Variants in ROBO2 observed in about 807,000 individuals in gnomAD.
ROBO2 encodes roundabout guidance receptor 2.
A neutral mutation model predicts 160.8 loss-of-function variants in ROBO2; 53 were observed. That is an observed-to-expected ratio of 0.33 (90% CI 0.26 to 0.41). ROBO2 has a LOEUF of 0.41. ROBO2 is among the 10% of genes least tolerant of loss of function. ROBO2 has a pLI of 1.00. For missense variants in ROBO2, 1,577 were observed against 1,722.4 expected, an observed-to-expected ratio of 0.92 and a Z score of 1.49; for synonymous variants, 664 against 611.7, an observed-to-expected ratio of 1.09 and a Z score of -1.26.
Position 76,224,911 on chromosome 3 carries a change from T to G in ROBO2, c.109+287309T>G, listed in dbSNP as rs1704191652. Among the ~76,000 whole-genome samples the G allele has an allele frequency of 1.3e-5, 2 of 152,280 alleles. 1 individual carries two copies. Among genetic ancestry groups the G allele is most frequent in the African/African-American group, 4.8e-5 (2 of 41,574 alleles). On this transcript the variant is annotated intron_variant, in intron 2 of 26. Transcript: ENST00000487694. ...TTCCCTGACCAGGAAAGTCAAAATA[T>G]TAACTGTGAGCAATCTTTTTAGAGT...
intron 2 of ROBO2, among the ~76,000 whole-genome samples, chr3:76,049,944 G>A (rs1422172319): frequency 6.6e-6 from 1 of 152,094 alleles, no homozygotes; most frequent in Non-Finnish European, 1.5e-5. Flanking sequence ...CCCAAGCATA[G>A]CAAAGCTCTG....
intron 2 of ROBO2, among the ~76,000 whole-genome samples, chr3:76,971,313 A>G (rs1268250415): frequency 6.6e-6 from 1 of 152,210 alleles, no homozygotes; most frequent in African/African-American, 2.4e-5. Flanking sequence ...TGTAACAGGA[A>G]TACAAATTCT....
At chr3:76,295,091 CT>C (rs1709000326) in intron 2 of ROBO2, among the ~76,000 whole-genome samples, 1 of 152,026 alleles carries the variant, frequency 6.6e-6, no homozygotes, top group Admixed American at 6.6e-5. Context: ...GGTAAAGAGG[CT>C]TTTAGGAAGG....
chr3:76,593,785 G>A (rs550663948), intron 2 of ROBO2, among the ~76,000 whole-genome samples: 4 of 151,804 alleles, frequency 2.6e-5, no homozygotes, highest in East Asian at 1.9e-4. Context: ...ATTTATAGCA[G>A]CTTCATGTTT....
At chr3:76,805,942 T>G (rs1384633315) in intron 2 of ROBO2, among the ~76,000 whole-genome samples, 1 of 151,952 alleles carries the variant, frequency 6.6e-6, no homozygotes, top group Non-Finnish European at 1.5e-5. Flanking sequence ...GAGGCTTGTT[T>G]CTCTTGTACT....
intron 2 of ROBO2, among the ~76,000 whole-genome samples, chr3:76,776,442 G>A (rs1399450531): frequency 1.3e-5 from 2 of 150,690 alleles, no homozygotes; most frequent in South Asian, 4.2e-4. Context: ...TTGATCATTA[G>A]GCCAACTAAA....
At chr3:77,356,568 G>T (rs1425184817) in intron 2 of ROBO2, among the ~76,000 whole-genome samples, 1 of 152,016 alleles carries the variant, frequency 6.6e-6, no homozygotes, top group South Asian at 2.1e-4. Context: ...TATAACAAAA[G>T]GCAGATTAAT....
intron 2 of ROBO2, among the ~76,000 whole-genome samples, chr3:76,781,258 C>A (rs541854979): frequency 6.6e-6 from 1 of 150,686 alleles, no homozygotes; most frequent in South Asian, 2.1e-4. Flanking sequence ...CTCTATGTTG[C>A]ATTTGTATCC....
At chr3:77,410,551 C>CCTA in intron 2 of ROBO2, among the ~76,000 whole-genome samples, 1 of 75,906 alleles carries the variant, frequency 1.3e-5, no homozygotes, top group African/African-American at 4.2e-5. Context: ...TCTTCCTCCT[C>CCTA]TTCTTCCTCC....
intron 2 of ROBO2, among the ~76,000 whole-genome samples, chr3:77,233,158 A>G (rs1384724122): frequency 6.6e-6 from 1 of 152,232 alleles, no homozygotes; most frequent in Admixed American, 6.5e-5. Flanking sequence ...TCAGCTCTGC[A>G]TAGCTACTCT....
chr3:77,062,471 G>T lies in ROBO2; in HGVS notation c.61+21625G>T, dbSNP rs12496577. Among the ~76,000 whole-genome samples, 154 of 152,212 alleles carry T rather than the reference G, an allele frequency of 1.0e-3. 2 individuals are homozygous for T. The highest frequency in any genetic ancestry group is 8.8e-3 in the Admixed American group (135 of 15,286). ...GTTGTGGAACTCGTGTATCCAAGAG[G>T]ACTTAGTGGTGATGACCTCCAAATG... On this transcript the variant is annotated intron_variant, in intron 1 of 25. Coordinates refer to ENST00000461745, the Ensembl canonical transcript of ROBO2.
At chr3:76,746,939 A>C (rs2093903296) in intron 2 of ROBO2, among the ~76,000 whole-genome samples, 1 of 152,066 alleles carries the variant, frequency 6.6e-6, no homozygotes, top group African/African-American at 2.4e-5. Flanking sequence ...TGCTGAGGAT[A>C]ATGGCGTCCA....
intron 2 of ROBO2, among the ~76,000 whole-genome samples, chr3:76,093,205 C>G (rs1054595120): frequency 6.6e-6 from 1 of 151,864 alleles, no homozygotes; most frequent in African/African-American, 2.4e-5. Flanking sequence ...AAATTTAATA[C>G]GTAAACAGTC....
chr3:75,917,058 A>G (rs1266104647), intron 1 of ROBO2, among the ~76,000 whole-genome samples: 2 of 152,116 alleles, frequency 1.3e-5, no homozygotes, highest in Admixed American at 6.5e-5. Flanking sequence ...TCTGGGATAC[A>G]TGTGCTGAAC....
At chr3:77,373,652 G>A (rs2072149537) in intron 2 of ROBO2, among the ~76,000 whole-genome samples, 1 of 152,042 alleles carries the variant, frequency 6.6e-6, no homozygotes, top group African/African-American at 2.4e-5. Context: ...CTGGTGAAAA[G>A]GGGAACTGAG....
chr3:77,001,617 G>A (rs1467143482), intron 2 of ROBO2, among the ~76,000 whole-genome samples: 3 of 152,114 alleles, frequency 2.0e-5, no homozygotes, highest in African/African-American at 7.2e-5. Context: ...ACATCATCCT[G>A]TTTCAAATCT....
intron 1 of ROBO2, among the ~76,000 whole-genome samples, chr3:77,048,217 A>G (rs1229099386): frequency 1.3e-5 from 2 of 152,180 alleles, no homozygotes; most frequent in African/African-American, 4.8e-5. Flanking sequence ...ATGGACTACA[A>G]TTGGGGTGCA....
At chr3:77,442,975 T>A (rs933751598) in intron 2 of ROBO2, among the ~76,000 whole-genome samples, 3 of 152,190 alleles carry the variant, frequency 2.0e-5, no homozygotes, top group African/African-American at 7.2e-5. Context: ...GTGGTTCTCA[T>A]ATGATGGGAT....
At chr3:76,796,216 C>T (rs2063681458) in intron 2 of ROBO2, among the ~76,000 whole-genome samples, 1 of 152,070 alleles carries the variant, frequency 6.6e-6, no homozygotes, top group African/African-American at 2.4e-5. Context: ...GCATTAACTT[C>T]TTTCTAGCTA....
Sources: gnomAD v4.1 joint callset for allele counts (sites outside exome capture counted in the v4.1 genomes callset) on GRCh38, gnomAD v4.1.1 for gene constraint, MANE v1.5 for transcripts, NCBI Gene and HGNC (gene_info 2026-07-23, HGNC 2026-07-21) for gene names.